Variants in BNC2 observed in about 807,000 individuals in gnomAD.
BNC2 encodes the protein basonuclin zinc finger protein 2.
In BNC2, 20 loss-of-function variants were observed where a neutral mutation model predicts 76.3. That is an observed-to-expected ratio of 0.26 (90% CI 0.18 to 0.38). The LOEUF (loss-of-function observed/expected upper bound fraction) is 0.38, where lower values mean the gene tolerates loss of function less well. Among genes scored for constraint, BNC2 ranks in the 10% least tolerant of loss-of-function variants. The pLI is 1.00. For synonymous variants in BNC2, 582 were observed against 514.8 expected (o/e 1.13, Z -1.77); for missense variants, 1,382 against 1,399.8 (o/e 0.99, Z 0.20).
intron 3 of BNC2, among the ~76,000 whole-genome samples, chr9:16,719,057 T>C (rs1824070682): frequency 6.6e-6 from 1 of 152,156 alleles, no homozygotes; most frequent in Non-Finnish European, 1.5e-5. Context: ...AAAAGCAATA[T>C]TAAACAGCAG....
chr9:16,763,559 G>A (rs936234757), intron 1 of BNC2, among the ~76,000 whole-genome samples: 2 of 151,618 alleles, frequency 1.3e-5, no homozygotes, highest in African/African-American at 4.9e-5. Context: ...GACAGAGCAA[G>A]ACCCTGTCTC....
intron 6 of BNC2, chr9:16,434,962 T>C: frequency 6.4e-6 from 3 of 470,906 alleles, no homozygotes; most frequent in Non-Finnish European, 1.3e-5. Context: ...CTTCTGATAT[T>C]TTCACAACTC....
At chr9:16,614,558 A>C (rs1234703880) in intron 3 of BNC2, among the ~76,000 whole-genome samples, 1 of 152,072 alleles carries the variant, frequency 6.6e-6, no homozygotes, top group African/African-American at 2.4e-5. Context: ...AAAGAAAGCA[A>C]GGTTAGAGTT....
chr9:16,518,172 TAATCCTAGTAC>T (rs1817494595), intron 5 of BNC2, among the ~76,000 whole-genome samples: 1 of 152,234 alleles, frequency 6.6e-6, no homozygotes, highest in Admixed American at 6.5e-5. Context: ...CTCATGCATG[TAATCCTAGTAC>T]TTTGGGAGGC....
intron 3 of BNC2, among the ~76,000 whole-genome samples, chr9:16,653,837 T>G (rs1381198480): frequency 3.3e-5 from 5 of 152,102 alleles, no homozygotes; most frequent in Non-Finnish European, 1.5e-5. Context: ...GCGTCTGACA[T>G]GTTTCTAGGT....
At chr9:16,487,583 C>G (rs1822192780) in intron 5 of BNC2, among the ~76,000 whole-genome samples, 1 of 152,098 alleles carries the variant, frequency 6.6e-6, no homozygotes, top group Non-Finnish European at 1.5e-5. Context: ...TTTTGTCTGA[C>G]TTATAAAATA....
chr9:16,617,476 C>T (rs769139785), intron 3 of BNC2, among the ~76,000 whole-genome samples: 39 of 151,664 alleles, frequency 2.6e-4, no homozygotes, highest in Admixed American at 1.3e-4. Flanking sequence ...CAAGAGAATC[C>T]CCACAAAGCC....
chr9:16,608,300 C>T (rs1458886025), intron 3 of BNC2, among the ~76,000 whole-genome samples: 1 of 152,074 alleles, frequency 6.6e-6, no homozygotes, highest in Non-Finnish European at 1.5e-5. Context: ...GCTTAAAAAG[C>T]TAAGCACAGT....
At chr9:16,721,415 G>T (rs1824152714) in intron 3 of BNC2, among the ~76,000 whole-genome samples, 1 of 152,082 alleles carries the variant, frequency 6.6e-6, no homozygotes. Flanking sequence ...AGTAGATGAA[G>T]ATCGCCCAGC....
At chr9:16,499,769 G>A (rs561647983) in intron 5 of BNC2, among the ~76,000 whole-genome samples, 1 of 151,856 alleles carries the variant, frequency 6.6e-6, no homozygotes, top group Non-Finnish European at 1.5e-5. Flanking sequence ...GACCTCAAGT[G>A]ATAAGCCTGC....
chr9:16,773,040 C>CTACT (rs1230320724), intron 1 of BNC2, among the ~76,000 whole-genome samples: 2 of 152,148 alleles, frequency 1.3e-5, no homozygotes, highest in African/African-American at 4.8e-5. Context: ...TTTAGAGAGA[C>CTACT]TACTGTGTCT....
At chr9:16,824,607 G>A (rs1235293415) in intron 1 of BNC2, among the ~76,000 whole-genome samples, 2 of 152,062 alleles carry the variant, frequency 1.3e-5, no homozygotes, top group African/African-American at 2.4e-5. Flanking sequence ...CAGGCACCTC[G>A]AACCAATGCT....
At chr9:16,778,319 G>A (rs1295344221) in intron 1 of BNC2, among the ~76,000 whole-genome samples, 1 of 152,176 alleles carries the variant, frequency 6.6e-6, no homozygotes, top group African/African-American at 2.4e-5. Flanking sequence ...CCTGGCAGAG[G>A]TATTAGAGCA....
At position 16,743,998 on chromosome 9, in the gene BNC2, G is replaced by A. The variant is rs1319850381; in HGVS notation, c.4-5513C>T. Among the ~76,000 whole-genome samples the A allele has an allele frequency of 6.0e-5, 9 of 150,594 alleles. No homozygotes were observed. The East Asian group carries it at 1.4e-3, about 23-fold the overall frequency. On this transcript the variant is annotated intron_variant, in intron 1 of 6. Coordinates refer to ENST00000380672, the MANE Select transcript of BNC2 (RefSeq NM_017637.6). ...TTTGTTTGTTTGGAGACGGAGTCTC[G>A]CTCTGTCACCCAGGCTGGAGTGCAG...
intron 3 of BNC2, among the ~76,000 whole-genome samples, chr9:16,591,326 T>C (rs1819923507): frequency 6.6e-6 from 1 of 152,106 alleles, no homozygotes; most frequent in South Asian, 2.1e-4. Context: ...TAAAAGAATA[T>C]CCACCTGTTG....
At position 16,417,564 on chromosome 9, in the gene BNC2, C is replaced by T. The variant is rs1820611537; in HGVS notation, c.*1425G>A. 1 of 152,228 alleles carries T rather than the reference C, an allele frequency of 6.6e-6. No homozygotes were observed. Among genetic ancestry groups the T allele is most frequent in the African/African-American group, 2.4e-5 (1 of 41,450 alleles). The allele number at this position is 152,228 out of a possible 1,614,324, so 9.4% of individuals were successfully genotyped here. ...GCTGTTAAATGCCTTTTGATTTTGTCTACCAAACAGGCCTGAATTATAGTA... is the reference window on the plus strand; with the variant it reads ...GCTGTTAAATGCCTTTTGATTTTGTTTACCAAACAGGCCTGAATTATAGTA... On this transcript the variant is annotated 3_prime_UTR_variant, in exon 7 of 7. Coordinates refer to ENST00000380672, the MANE Select transcript of BNC2 (RefSeq NM_017637.6).
intron 3 of BNC2, among the ~76,000 whole-genome samples, chr9:16,681,883 A>C (rs1822831737): frequency 6.6e-6 from 1 of 152,108 alleles, no homozygotes; most frequent in African/African-American, 2.4e-5. Flanking sequence ...CAGTAACTAG[A>C]CAGTAACGTT....
chr9:16,511,252 G>A (rs1822747657), intron 5 of BNC2, among the ~76,000 whole-genome samples: 1 of 151,160 alleles, frequency 6.6e-6, no homozygotes, highest in African/African-American at 2.4e-5. Context: ...TGAGACTACA[G>A]GCACCTGACA....
chr9:16,447,596 G>C (rs187581524), intron 5 of BNC2, among the ~76,000 whole-genome samples: 1 of 152,036 alleles, frequency 6.6e-6, no homozygotes, highest in Non-Finnish European at 1.5e-5. Context: ...GTCTGGTGCT[G>C]CTTGTCAGTG....
Sources: gnomAD v4.1 joint callset for allele counts (sites outside exome capture counted in the v4.1 genomes callset) on GRCh38, gnomAD v4.1.1 for gene constraint, MANE v1.5 for transcripts, NCBI Gene and HGNC (gene_info 2026-07-23, HGNC 2026-07-21) for gene names.